COL23A1: variants seen among roughly 807,000 people sequenced by gnomAD.
COL23A1 encodes the protein collagen alpha-1(XXIII) chain.
Under a neutral mutation model 99.3 loss-of-function variants are expected in COL23A1, and 97 were observed. The ratio of observed to expected loss-of-function variants is 0.98; its 90% CI spans 0.83 to 1.16. The LOEUF (loss-of-function observed/expected upper bound fraction) is 1.16, where lower values mean the gene tolerates loss of function less well. Ranked by LOEUF, COL23A1 falls within the 50% of genes most tolerant of loss-of-function variation. The pLI is 0.00. For missense variants in COL23A1, 762 were observed against 757.4 expected (o/e 1.01, Z -0.07); for synonymous variants, 320 against 308.2 (o/e 1.04, Z -0.40).
intron 2 of COL23A1, among the ~76,000 whole-genome samples, chr5:178,451,054 G>A (rs1460405451): frequency 6.6e-6 from 1 of 152,124 alleles, no homozygotes; most frequent in African/African-American, 2.4e-5. Flanking sequence ...CTAAATCCTT[G>A]CAGAACTCAA....
At chr5:178,314,151 C>T (rs1214846267) in intron 2 of COL23A1, among the ~76,000 whole-genome samples, 1 of 152,092 alleles carries the variant, frequency 6.6e-6, no homozygotes, top group African/African-American at 2.4e-5. Context: ...GCCAGTGCTG[C>T]GGGCACTGTG....
intron 2 of COL23A1, among the ~76,000 whole-genome samples, chr5:178,500,440 AAAAAAAT>A (rs1758463092): frequency 1.3e-5 from 2 of 150,868 alleles, no homozygotes; most frequent in South Asian, 4.2e-4. Context: ...AAAAAAAAAA[AAAAAAAT>A]GGTTTTAATT....
At chr5:178,380,612 C>T (rs1055189149) in intron 2 of COL23A1, among the ~76,000 whole-genome samples, 10 of 152,130 alleles carry the variant, frequency 6.6e-5, no homozygotes, top group Admixed American at 1.3e-4. Flanking sequence ...TGTTTTTCAA[C>T]GTTTTAAAAC....
intron 2 of COL23A1, among the ~76,000 whole-genome samples, chr5:178,312,499 A>C (rs1758752021): frequency 6.6e-6 from 1 of 152,140 alleles, no homozygotes; most frequent in South Asian, 2.1e-4. Context: ...TCAACTCCAA[A>C]GGGGGGCCTC....
intron 1 of COL23A1, among the ~76,000 whole-genome samples, chr5:178,572,599 C>T (rs1763163176): frequency 1.3e-5 from 2 of 152,188 alleles, no homozygotes; most frequent in Admixed American, 6.5e-5. Flanking sequence ...TGAAATGATG[C>T]GATGGCCTTC....
At chr5:178,377,616 A>G (rs1002379629) in intron 2 of COL23A1, among the ~76,000 whole-genome samples, 2 of 152,052 alleles carry the variant, frequency 1.3e-5, no homozygotes, top group African/African-American at 2.4e-5. Flanking sequence ...CCCCATCTCC[A>G]AGGCGGTGCC....
At chr5:178,261,205 G>A (rs919829394) in intron 11 of COL23A1, among the ~76,000 whole-genome samples, 4 of 152,214 alleles carry the variant, frequency 2.6e-5, no homozygotes, top group African/African-American at 9.6e-5. Context: ...CTGAGGTCAG[G>A]AGTTCGAGAC....
At chr5:178,329,734 C>T (rs749516793) in intron 2 of COL23A1, among the ~76,000 whole-genome samples, 17 of 152,110 alleles carry the variant, frequency 1.1e-4, no homozygotes, top group Non-Finnish European at 2.4e-4. Context: ...GTCAGGAGTG[C>T]GAGACCAGCC....
chr5:178,239,084 T>C (rs906604337), intron 28 of COL23A1, 57 bp downstream of exon 28: 35 of 1,593,568 alleles, frequency 2.2e-5, no homozygotes, highest in Non-Finnish European at 2.8e-5. Context: ...GCCCTCCCAT[T>C]CCCCCACCCT....
chr5:178,422,996 T>C (rs1299280734), intron 2 of COL23A1, among the ~76,000 whole-genome samples: 1 of 152,138 alleles, frequency 6.6e-6, no homozygotes, highest in East Asian at 1.9e-4. Flanking sequence ...AGAGACAGTC[T>C]CACTCTGTCA....
Position 178,249,202 on chromosome 5 carries a change from G to T in COL23A1, c.1064C>A (p.Pro355His). ...GAPGIDGEKG[P>H]KGQKGDPGEP... The stretch of plus-strand genomic sequence containing the variant: ...TCCTGGGTCTCCTTTCTGTCCTTTG[G>T]GGCCCTGAAAGCCATAAGCACAAGG... Residue 355 changes from proline to histidine, a missense_variant, in exon 19 of 29, where the codon CCC (proline) becomes CAC (histidine). Pro to His is a moderately conservative substitution (Grantham distance 77). Coordinates refer to ENST00000390654, the MANE Select transcript of COL23A1 (RefSeq NM_173465.4). The T allele has an allele frequency of 6.2e-7, 1 of 1,614,190 alleles. No homozygotes were observed. Among genetic ancestry groups the T allele is most frequent in the Non-Finnish European group, 8.5e-7 (1 of 1,180,016 alleles).
At chr5:178,265,597 G>T in intron 8 of COL23A1, 1 of 850,106 alleles carries the variant, frequency 1.2e-6, no homozygotes, top group Non-Finnish European at 1.4e-6. Context: ...CAAACGTGGG[G>T]TGAGTTGGGG....
Position 178,405,834 on chromosome 5 carries a change from G to A in COL23A1, c.362-98915C>T, listed in dbSNP as rs909790796. Among the ~76,000 whole-genome samples the A allele has an allele frequency of 3.9e-5, 6 of 152,232 alleles. No homozygotes were observed. In the East Asian group the frequency reaches 1.2e-3, roughly 29 times the overall value. ...ATTCAAAAACTAGGCTGGGCGCAGT[G>A]GCTCATGCCTGTAATCCCAGCACTT... On this transcript the variant is annotated intron_variant, in intron 2 of 28. Coordinates refer to ENST00000390654, the MANE Select transcript of COL23A1 (RefSeq NM_173465.4).
intron 2 of COL23A1, among the ~76,000 whole-genome samples, chr5:178,407,282 TG>T (rs1240405937): frequency 6.6e-6 from 1 of 152,216 alleles, no homozygotes; most frequent in Non-Finnish European, 1.5e-5. Context: ...GTTGAAAAGT[TG>T]GACTTTCACC....
chr5:178,407,141 C>T (rs1764809308), intron 2 of COL23A1, among the ~76,000 whole-genome samples: 1 of 152,152 alleles, frequency 6.6e-6, no homozygotes, highest in Non-Finnish European at 1.5e-5. Flanking sequence ...CCATGGGGAG[C>T]AGTAATGAGG....
chr5:178,247,836 G>T lies in COL23A1; in HGVS notation c.1213-5C>A, dbSNP rs201872854. 6.2e-6 allele frequency: 10 copies of T among 1,611,352 alleles called. No individual in the cohort carries two copies. The East Asian group carries it at 1.8e-4, about 29-fold the overall frequency. On this transcript the variant is annotated splice_region_variant and splice_polypyrimidine_tract_variant and intron_variant, in intron 20 of 28. Coordinates refer to ENST00000390654, the MANE Select transcript of COL23A1 (RefSeq NM_173465.4). ...TGGCTCCACTATGAGCTGAGCCTAG[G>T]GAGGGTGAGAGACAGGTTAGTCACC...
intron 1 of COL23A1, among the ~76,000 whole-genome samples, chr5:178,586,204 G>A (rs1053118218): frequency 1.3e-5 from 2 of 152,234 alleles, no homozygotes; most frequent in Non-Finnish European, 2.9e-5. Flanking sequence ...TGTGTGCTAA[G>A]AAAGGACACT....
intron 2 of COL23A1, among the ~76,000 whole-genome samples, chr5:178,445,663 A>C (rs1393788893): frequency 6.6e-6 from 1 of 152,200 alleles, no homozygotes; most frequent in Admixed American, 6.5e-5. Context: ...TACATCGAAA[A>C]GATGAAGTAC....
intron 2 of COL23A1, among the ~76,000 whole-genome samples, chr5:178,400,366 C>CTAA (rs1764377832): frequency 1.6e-5 from 1 of 62,832 alleles, no homozygotes; most frequent in Non-Finnish European, 2.9e-5. Context: ...GACTCCGTCT[C>CTAA]AAAAAAAAAA....
Sources: gnomAD v4.1 joint callset for allele counts (sites outside exome capture counted in the v4.1 genomes callset) on GRCh38, gnomAD v4.1.1 for gene constraint, MANE v1.5 for transcripts, NCBI Gene and HGNC (gene_info 2026-07-23, HGNC 2026-07-21) for gene names.